The following SMIM24 variants were observed in gnomAD, a reference collection of about 807,000 sequenced individuals.
The protein encoded by SMIM24 is small integral membrane protein 24.
SMIM24 carries 6 observed loss-of-function variants against 10.8 expected under a neutral mutation model. That is an observed-to-expected ratio of 0.55 (90% CI 0.30 to 1.09). The LOEUF is 1.09. Among genes scored for constraint, SMIM24 ranks in the 50% least tolerant of loss-of-function variants. The pLI is 0.06. For missense variants in SMIM24, 151 were observed against 153.4 expected (o/e 0.98, Z 0.08); for synonymous variants, 71 against 62.4 (o/e 1.14, Z -0.65).
At chr19:3,477,816 T>C (rs2082800419) in intron 3 of SMIM24, among the ~76,000 whole-genome samples, 1 of 146,754 alleles carries the variant, frequency 6.8e-6, no homozygotes, top group African/African-American at 2.6e-5. Flanking sequence ...GGATGGATGG[T>C]GGGTGAGTGG....
In SMIM24 at chr19:3,474,611, A is replaced by G. The variant is rs2082785210; in HGVS notation, c.*232T>C. On this transcript the variant is annotated 3_prime_UTR_variant, in exon 4 of 4. Transcript: ENST00000215531. Reference sequence around the variant, plus strand: ...ACCAGGGATGCTCTCCGAGTATAAGAAGAATCACCAGGCAGGGACCAAGCT... The same window carrying G: ...ACCAGGGATGCTCTCCGAGTATAAGGAGAATCACCAGGCAGGGACCAAGCT... The G allele has an allele frequency of 1.9e-6, 1 of 537,542 alleles. No individual in the cohort carries two copies. Among genetic ancestry groups the G allele is most frequent in the Non-Finnish European group, 3.3e-6 (1 of 307,276 alleles). 33.3% of individuals were successfully genotyped at this position (537,542 alleles called of 1,614,324 possible).
chr19:3,480,205 C>T (rs2082812782), intron 1 of SMIM24, among the ~76,000 whole-genome samples, 192 bp downstream of exon 1: 1 of 151,552 alleles, frequency 6.6e-6, no homozygotes, highest in Non-Finnish European at 1.5e-5. Flanking sequence ...GTGGGGGGTC[C>T]CTTACAGAGG....
chr19:3,478,509 G>T, intron 2 of SMIM24, 31 bp from the exon 3 acceptor site: 1 of 1,531,778 alleles, frequency 6.5e-7, no homozygotes, highest in Non-Finnish European at 8.8e-7. Flanking sequence ...GTGGAAGGGG[G>T]CGGGAGAGGA....
intron 1 of SMIM24, among the ~76,000 whole-genome samples, chr19:3,479,638 G>A (rs2082809067): frequency 6.8e-6 from 1 of 147,906 alleles, no homozygotes; most frequent in South Asian, 2.2e-4. Flanking sequence ...GGCTCAGGGA[G>A]GGGTCTATAA....
chr19:3,479,059 G>A, intron 1 of SMIM24, 130 bp from the exon 2 acceptor site: 5 of 706,722 alleles, frequency 7.1e-6, no homozygotes, highest in Non-Finnish European at 1.2e-5. Context: ...GGAAAGGGAC[G>A]GAGCTTCAGA....
Position 3,474,701 on chromosome 19 carries a change from G to T in SMIM24, c.*142C>A. On this transcript the variant is annotated 3_prime_UTR_variant, in exon 4 of 4. Transcript: ENST00000215531. The stretch of plus-strand genomic sequence containing the variant: ...GCCCCCAATGAGGGAGGTGGGGTGG[G>T]TTCCAAGCCTTCTTCACTTGAGAAC... 1 of 1,119,342 alleles carries T rather than the reference G, an allele frequency of 8.9e-7. No homozygotes were observed. Among genetic ancestry groups the T allele is most frequent in the Non-Finnish European group, 1.2e-6 (1 of 816,354 alleles). 69.3% of individuals were successfully genotyped at this position (1,119,342 alleles called of 1,614,324 possible).
Position 3,474,696 on chromosome 19 carries a change from G to T in SMIM24, c.*147C>A. ...AGAGAGCCCCCAATGAGGGAGGTGG[G>T]GTGGGTTCCAAGCCTTCTTCACTTG... is the stretch of plus-strand genomic sequence containing the variant. On this transcript the variant is annotated 3_prime_UTR_variant, in exon 4 of 4. Coordinates refer to ENST00000215531, the MANE Select transcript of SMIM24 (RefSeq NM_001136503.2). The T allele has an allele frequency of 2.0e-6, 2 of 1,001,184 alleles. No homozygotes were observed. Among genetic ancestry groups the T allele is most frequent in the Non-Finnish European group, 2.8e-6 (2 of 712,760 alleles). The allele number at this position is 1,001,184 out of a possible 1,614,324, so 62.0% of individuals were successfully genotyped here. A position where few individuals can be genotyped will look rare whatever the true frequency, so the allele number is the denominator to read the frequency against.
Position 3,478,905 on chromosome 19 carries a change from C to T in SMIM24, c.92G>A (p.Trp31Ter). ...GACTACCGCAGCCAGGCCCACCAGCCACGGCTTCAGGCGATGCTCCGTGGC... is the reference window on the plus strand; with the variant it reads ...GACTACCGCAGCCAGGCCCACCAGCTACGGCTTCAGGCGATGCTCCGTGGC... ...QQATEHRLKPWLVGLAAVVGF... is the reference protein window; with the variant it reads ...QQATEHRLKP Residue 31 changes from tryptophan (W) to a stop codon, truncating the protein, a stop_gained, in exon 2 of 4, where the codon TGG (tryptophan) becomes TAG (stop). Transcript: ENST00000215531. LOFTEE classifies it high-confidence loss of function. 6.5e-7 allele frequency: 1 copy of T among 1,549,938 alleles called. No homozygotes were observed. Among genetic ancestry groups the T allele is most frequent in the Non-Finnish European group, 8.7e-7 (1 of 1,146,760 alleles).
At chr19:3,480,301 C>T (rs749225902) in intron 1 of SMIM24, 96 bp downstream of exon 1, 5 of 1,219,864 alleles carry the variant, frequency 4.1e-6, no homozygotes, top group Non-Finnish European at 5.7e-6. Context: ...TCTTCCTGCC[C>T]CCTCTCCTTT....
At chr19:3,479,082 G>A (rs2082805678) in intron 1 of SMIM24, 153 bp from the exon 2 acceptor site, 6 of 598,786 alleles carry the variant, frequency 1.0e-5, no homozygotes, top group Admixed American at 9.1e-5. Flanking sequence ...CCTGGATGGC[G>A]TAGGGGGGTC....
intron 3 of SMIM24, among the ~76,000 whole-genome samples, chr19:3,477,883 T>C (rs542136797): frequency 1.3e-5 from 2 of 151,528 alleles, no homozygotes; most frequent in Non-Finnish European, 2.9e-5. Flanking sequence ...GATGGGTGGA[T>C]GGAAGATGGA....
intron 1 of SMIM24, 143 bp downstream of exon 1, chr19:3,480,254 C>T (rs1244839470): frequency 3.5e-6 from 3 of 868,154 alleles, no homozygotes; most frequent in African/African-American, 1.7e-5. Context: ...GGCGGTACTG[C>T]GGGGGTTGAG....
chr19:3,479,091 T>A (rs1266305796), intron 1 of SMIM24, 162 bp from the exon 2 acceptor site: 2 of 335,186 alleles, frequency 6.0e-6, no homozygotes, highest in Non-Finnish European at 1.0e-5. Flanking sequence ...CGTAGGGGGG[T>A]CGGGAGGGTT....
chr19:3,480,125 C>G (rs1445971023), intron 1 of SMIM24, among the ~76,000 whole-genome samples: 1 of 140,332 alleles, frequency 7.1e-6, no homozygotes, highest in African/African-American at 2.7e-5. Context: ...AGAGTGGGGC[C>G]GAGCTCAAGG....
rs559673834 is a variant in SMIM24, at chr19:3,474,579, C to T, written c.*264G>A. ...TGAGATCGTGGAGGATTGCGGGTGTCTCCTCAACCAGGGATGCTCTCCGAG... is the reference window on the plus strand; with the variant it reads ...TGAGATCGTGGAGGATTGCGGGTGTTTCCTCAACCAGGGATGCTCTCCGAG... On this transcript the variant is annotated 3_prime_UTR_variant, in exon 4 of 4. Transcript: ENST00000215531. 5 of 468,886 alleles carry T rather than the reference C, an allele frequency of 1.1e-5. No individual in the cohort carries two copies. In the East Asian group the frequency reaches 1.7e-4, roughly 16 times the overall value. 29.0% of individuals were successfully genotyped at this position (468,886 alleles called of 1,614,324 possible).
chr19:3,479,848 G>A (rs910439623), intron 1 of SMIM24, among the ~76,000 whole-genome samples: 1 of 145,540 alleles, frequency 6.9e-6, no homozygotes, highest in African/African-American at 2.6e-5. Context: ...AAAGGAGGGA[G>A]AGTGAGAAGG....
intron 3 of SMIM24, among the ~76,000 whole-genome samples, chr19:3,476,144 G>C (rs990532633): frequency 4.6e-5 from 7 of 152,144 alleles, no homozygotes; most frequent in African/African-American, 1.4e-4. Context: ...TGAATTGATG[G>C]TTGCATGGAG....
intron 3 of SMIM24, among the ~76,000 whole-genome samples, chr19:3,478,093 C>T (rs2082801185): frequency 6.6e-6 from 1 of 152,108 alleles, no homozygotes; most frequent in Admixed American, 6.5e-5. Flanking sequence ...GAGGACACAG[C>T]CAGGACAAAA....
Position 3,478,907 on chromosome 19 carries a change from C to T in SMIM24, c.90G>A (p.Pro30=), listed in dbSNP as rs2082804857. 1 of 1,549,852 alleles carries T rather than the reference C, an allele frequency of 6.5e-7. No homozygotes were observed. Among genetic ancestry groups the T allele is most frequent in the Non-Finnish European group, 8.7e-7 (1 of 1,146,728 alleles). The change falls in exon 2 of 4, where the codon CCG becomes CCA. Residue 30 remains proline, a synonymous_variant. Transcript: ENST00000215531. ...AQQATEHRLK[P]WLVGLAAVVG... ...CTACCGCAGCCAGGCCCACCAGCCACGGCTTCAGGCGATGCTCCGTGGCTG... is the reference window on the plus strand; with the variant it reads ...CTACCGCAGCCAGGCCCACCAGCCATGGCTTCAGGCGATGCTCCGTGGCTG...
Sources: allele counts gnomAD v4.1 joint callset (sites outside exome capture counted in the v4.1 genomes callset), GRCh38; gene constraint gnomAD v4.1.1; transcripts MANE v1.5; gene names NCBI Gene and HGNC (gene_info 2026-07-23, HGNC 2026-07-21).